Variants in LRRC7 observed in about 807,000 individuals in gnomAD.
LRRC7 encodes the protein leucine-rich repeat-containing protein 7.
Under a neutral mutation model 175.7 loss-of-function variants are expected in LRRC7, and 23 were observed. The observed-to-expected ratio is 0.13, with a 90% CI of 0.09 to 0.19. The LOEUF is 0.19. LRRC7 is among the 10% of genes least tolerant of loss of function. The pLI, the probability that LRRC7 is intolerant of heterozygous loss-of-function variation, is 1.00. For missense variants in LRRC7, 1,354 were observed against 1,904.7 expected (o/e 0.71, Z 5.38); for synonymous variants, 685 against 680.9 (o/e 1.01, Z -0.09).
intron 1 of LRRC7, among the ~76,000 whole-genome samples, chr1:69,578,760 G>A (rs1183307707): frequency 1.4e-5 from 2 of 140,900 alleles, no homozygotes; most frequent in African/African-American, 2.7e-5. Flanking sequence ...CATGGACACA[G>A]GAAGGGGAAC....
At chr1:70,084,070 A>G (rs888989340) in intron 24 of LRRC7, among the ~76,000 whole-genome samples, 9 of 152,200 alleles carry the variant, frequency 5.9e-5, no homozygotes, top group Non-Finnish European at 1.2e-4. Context: ...AATCCTTACT[A>G]TGGTATAGTG....
At chr1:69,850,385 T>C (rs1260752414) in intron 7 of LRRC7, among the ~76,000 whole-genome samples, 1 of 152,072 alleles carries the variant, frequency 6.6e-6, no homozygotes, top group East Asian at 1.9e-4. Context: ...GATTGTATTC[T>C]GATCATAATG....
chr1:69,800,078 C>T (rs756190127), intron 4 of LRRC7, among the ~76,000 whole-genome samples: 12 of 151,896 alleles, frequency 7.9e-5, no homozygotes, highest in African/African-American at 1.4e-4. Flanking sequence ...TCTGACTTTT[C>T]GATTCTATTC....
intron 1 of LRRC7, among the ~76,000 whole-genome samples, chr1:69,571,389 A>G (rs1288554164): frequency 6.6e-6 from 1 of 152,152 alleles, no homozygotes; most frequent in Non-Finnish European, 1.5e-5. Context: ...TTCCCTTATA[A>G]AATACAGAAC....
intron 26 of LRRC7, among the ~76,000 whole-genome samples, chr1:70,119,390 G>A (rs7526382): frequency 2.0e-5 from 3 of 151,934 alleles, no homozygotes; most frequent in South Asian, 2.1e-4. Context: ...TTTTAGTTAC[G>A]TGCATGACTT....
chr1:69,572,867 T>G (rs150335978), intron 1 of LRRC7, among the ~76,000 whole-genome samples: 10 of 152,178 alleles, frequency 6.6e-5, no homozygotes, highest in East Asian at 1.9e-4. Flanking sequence ...AATGTGTGTG[T>G]GGGGTATGTG....
chr1:69,825,731 T>C lies in LRRC7; in HGVS notation c.422-17T>C. The C allele has an allele frequency of 5.9e-6, 9 of 1,534,186 alleles. No homozygotes were observed. The highest frequency in any genetic ancestry group is 8.0e-6 in the Non-Finnish European group (9 of 1,119,472). On this transcript the variant is annotated splice_polypyrimidine_tract_variant and intron_variant, in intron 4 of 26. Transcript: ENST00000651989. ...TGTTGGAACATTTTCATGTACTTTG[T>C]TTTTTTCACATTTTAGGTGTACAAG...
rs12092871 is a variant in LRRC7, at chr1:69,802,390, G to A, written c.421+10230G>A. Reference sequence around the variant, plus strand: ...TAGTAATGTTTGTTTTATAAATCTGGGCGCTCCAGTGGTGAGTGCATATAT... The same window carrying A: ...TAGTAATGTTTGTTTTATAAATCTGAGCGCTCCAGTGGTGAGTGCATATAT... On this transcript the variant is annotated intron_variant, in intron 4 of 26. Transcript: ENST00000651989. Among the ~76,000 whole-genome samples the A allele has an allele frequency of 2.0e-5, 3 of 150,958 alleles. No homozygotes were observed. In the East Asian group the frequency reaches 5.8e-4, roughly 29 times the overall value.
chr1:69,905,896 T>A (rs1209808789), intron 7 of LRRC7, among the ~76,000 whole-genome samples: 1 of 152,218 alleles, frequency 6.6e-6, no homozygotes, highest in Non-Finnish European at 1.5e-5. Flanking sequence ...TGTTCCTATT[T>A]CTCCACATCC....
intron 1 of LRRC7, among the ~76,000 whole-genome samples, chr1:69,642,735 A>T (rs573369896): frequency 2.6e-5 from 4 of 152,204 alleles, no homozygotes; most frequent in Admixed American, 6.6e-5. Flanking sequence ...AAATAGACTG[A>T]AAACTTTATG....
intron 11 of LRRC7, among the ~76,000 whole-genome samples, chr1:70,009,655 G>A (rs1384113639): frequency 6.6e-6 from 1 of 152,062 alleles, no homozygotes; most frequent in Non-Finnish European, 1.5e-5. Context: ...TATCCTCATT[G>A]TAAATATAAA....
chr1:69,620,660 G>A (rs559585976), intron 1 of LRRC7, among the ~76,000 whole-genome samples: 11 of 152,272 alleles, frequency 7.2e-5, no homozygotes, highest in African/African-American at 2.6e-4. Context: ...CTGAAAGTTC[G>A]TAATGACTAT....
intron 2 of LRRC7, among the ~76,000 whole-genome samples, chr1:69,718,045 G>A (rs7418591): frequency 2.3e-5 from 3 of 132,680 alleles, no homozygotes; most frequent in Non-Finnish European, 4.9e-5. Context: ...GAAAGGAGAG[G>A]GAGAAAGAAA....
At chr1:69,818,364 A>C (rs2101187022) in intron 4 of LRRC7, among the ~76,000 whole-genome samples, 1 of 152,146 alleles carries the variant, frequency 6.6e-6, no homozygotes, top group African/African-American at 2.4e-5. Flanking sequence ...CATCTAGTAA[A>C]ATGATCATAT....
intron 7 of LRRC7, among the ~76,000 whole-genome samples, chr1:69,918,982 C>A (rs1247940736): frequency 6.6e-6 from 1 of 152,080 alleles, no homozygotes; most frequent in Non-Finnish European, 1.5e-5. Flanking sequence ...GTTTCCCGGG[C>A]ATGAAGTTAT....
intron 1 of LRRC7, among the ~76,000 whole-genome samples, chr1:69,636,678 G>A (rs1423095709): frequency 6.6e-6 from 1 of 151,802 alleles, no homozygotes; most frequent in East Asian, 1.9e-4. Context: ...CCTTTCTCAG[G>A]TCAAAGAAAT....
At chr1:69,968,946 G>A (rs1651942253) in intron 8 of LRRC7, among the ~76,000 whole-genome samples, 1 of 152,002 alleles carries the variant, frequency 6.6e-6, no homozygotes, top group South Asian at 2.1e-4. Context: ...AGCCTCCCGA[G>A]TAGCTGGGAC....
chr1:70,016,643 A>G lies in LRRC7; in HGVS notation c.1320+109A>G, dbSNP rs1571022796. On this transcript the variant is annotated intron_variant, in intron 14 of 26. Coordinates refer to ENST00000651989, the MANE Select transcript of LRRC7 (RefSeq NM_001370785.2). Reference sequence around the variant, plus strand: ...CTTTGACAGCAGCTACAAAATGTAGATTGTTTTTATCCCCAGAAAGAGAGA... The same window carrying G: ...CTTTGACAGCAGCTACAAAATGTAGGTTGTTTTTATCCCCAGAAAGAGAGA... 4 of 802,480 alleles carry G rather than the reference A, an allele frequency of 5.0e-6. No individual in the cohort carries two copies. In the East Asian group the frequency reaches 1.2e-4, roughly 24 times the overall value. 49.7% of individuals were successfully genotyped at this position (802,480 alleles called of 1,614,324 possible).
Position 69,722,905 on chromosome 1 carries a change from A to G in LRRC7, c.101-37286A>G, listed in dbSNP as rs578020698. Among the ~76,000 whole-genome samples the G allele has an allele frequency of 8.5e-5, 13 of 152,126 alleles. 2 individuals carry two copies. Among genetic ancestry groups the G allele is most frequent in the South Asian group, 8.3e-4 (4 of 4,822 alleles). On this transcript the variant is annotated intron_variant, in intron 2 of 26. Transcript: ENST00000651989. ...ATATACACATATGTACACTCTTTGT[A>G]TGTAATATATATGCATTTTCTTTCA... is the stretch of plus-strand genomic sequence containing the variant.
Sources: allele counts gnomAD v4.1 joint callset (sites outside exome capture counted in the v4.1 genomes callset), GRCh38; gene constraint gnomAD v4.1.1; transcripts MANE v1.5; gene names NCBI Gene and HGNC (gene_info 2026-07-23, HGNC 2026-07-21).